DCUN1D1: variants seen among roughly 807,000 people sequenced by gnomAD.
DCUN1D1 encodes the protein DCN1-like protein 1.
DCUN1D1 carries 3 observed loss-of-function variants against 39.0 expected under a neutral mutation model. That is an observed-to-expected ratio of 0.08 (90% CI 0.04 to 0.20). DCUN1D1 has a LOEUF of 0.20. Ranked by LOEUF, DCUN1D1 falls within the 10% of genes least tolerant of loss-of-function variation. The pLI is 1.00. For synonymous variants in DCUN1D1, 82 were observed against 96.3 expected (o/e 0.85, Z 0.87); for missense variants, 158 against 302.4 (o/e 0.52, Z 3.54).
chr3:182,944,834 G>T lies in DCUN1D1; in HGVS notation c.*260C>A. 8.0e-6 allele frequency: 3 copies of T among 374,268 alleles called. No homozygotes were observed. The highest frequency in any genetic ancestry group is 3.9e-5 in the South Asian group (1 of 25,586). The allele number at this position is 374,268 out of a possible 1,614,324, so 23.2% of individuals were successfully genotyped here. On this transcript the variant is annotated 3_prime_UTR_variant, in exon 7 of 7. Coordinates refer to ENST00000292782, the MANE Select transcript of DCUN1D1 (RefSeq NM_020640.4). ...ACTTATGGGAGAATAAACTAGGATG[G>T]TCCACAGATATAAGATGAAATCCAC... is the stretch of plus-strand genomic sequence containing the variant.
Position 182,955,390 on chromosome 3 carries a change from T to C in DCUN1D1, c.520+5836A>G, listed in dbSNP as rs78866255. 7 of 543,998 alleles carry C rather than the reference T, an allele frequency of 1.3e-5. 1 individual carries two copies. The highest frequency in any genetic ancestry group is 3.9e-5 in the Admixed American group (2 of 51,580). 33.7% of individuals were successfully genotyped at this position (543,998 alleles called of 1,614,324 possible). On this transcript the variant is annotated intron_variant, in intron 4 of 6. Transcript: ENST00000292782. ...TTTCCTGGTTCTTTATTGAACAGAATAGCAATGTCTTCTTCTTCCCACATT... is the reference window on the plus strand; with the variant it reads ...TTTCCTGGTTCTTTATTGAACAGAACAGCAATGTCTTCTTCTTCCCACATT...
intron 3 of DCUN1D1, among the ~76,000 whole-genome samples, chr3:182,963,031 C>T (rs1727482489): frequency 1.3e-5 from 2 of 152,122 alleles, no homozygotes; most frequent in African/African-American, 2.4e-5. Flanking sequence ...CCACCCACCT[C>T]GGCCTCCCAA....
At chr3:182,960,402 C>T (rs1324205058) in intron 4 of DCUN1D1, among the ~76,000 whole-genome samples, 2 of 152,212 alleles carry the variant, frequency 1.3e-5, no homozygotes, top group Non-Finnish European at 2.9e-5. Flanking sequence ...AAACCAACAA[C>T]TTCTCTCCTG....
chr3:182,964,231 C>T (rs1321211303), intron 2 of DCUN1D1, among the ~76,000 whole-genome samples, 182 bp from the exon 3 acceptor site: 1 of 152,150 alleles, frequency 6.6e-6, no homozygotes. Flanking sequence ...TAACAGCATT[C>T]TTAAAGTGTA....
At chr3:182,953,895 A>T (rs1336449897) in intron 4 of DCUN1D1, among the ~76,000 whole-genome samples, 2 of 152,230 alleles carry the variant, frequency 1.3e-5, no homozygotes, top group African/African-American at 4.8e-5. Context: ...ATTCTTTCAA[A>T]GAGAATCAAC....
intron 2 of DCUN1D1, 96 bp downstream of exon 2, chr3:182,965,441 C>A: frequency 1.4e-6 from 1 of 714,350 alleles, no homozygotes; most frequent in Non-Finnish European, 2.3e-6. Flanking sequence ...ACACATCCAC[C>A]CAATTTAAGT....
At chr3:182,961,115 G>T in intron 4 of DCUN1D1, 111 bp downstream of exon 4, 2 of 769,756 alleles carry the variant, frequency 2.6e-6, no homozygotes, top group Non-Finnish European at 4.1e-6. Flanking sequence ...TCAATAACTG[G>T]TATTTTCATG....
chr3:182,971,669 C>A (rs1456613387), intron 1 of DCUN1D1, among the ~76,000 whole-genome samples: 1 of 151,988 alleles, frequency 6.6e-6, no homozygotes, highest in Admixed American at 6.5e-5. Context: ...TGAGCTTCTA[C>A]TGTGTGCCAG....
At chr3:182,947,074 C>T (rs1577157465) in intron 6 of DCUN1D1, among the ~76,000 whole-genome samples, 164 bp downstream of exon 6, 1 of 152,120 alleles carries the variant, frequency 6.6e-6, no homozygotes, top group East Asian at 1.9e-4. Context: ...ATGCACCTAC[C>T]CTGGGCAACA....
At chr3:182,978,301 GA>G (rs1041737992) in intron 1 of DCUN1D1, among the ~76,000 whole-genome samples, 53 of 152,120 alleles carry the variant, frequency 3.5e-4, no homozygotes, top group African/African-American at 1.3e-3. Context: ...ATATATGTAA[GA>G]TAACTTTATA....
intron 2 of DCUN1D1, among the ~76,000 whole-genome samples, chr3:182,964,635 CTT>C (rs951243180): frequency 6.5e-5 from 7 of 107,474 alleles, no homozygotes; most frequent in African/African-American, 1.1e-4. Flanking sequence ...TAACACCTTT[CTT>C]TTTTTTTTTT....
chr3:182,982,808 C>A (rs1472771828), upstream of DCUN1D1, among the ~76,000 whole-genome samples: 5 of 152,036 alleles, frequency 3.3e-5, no homozygotes, highest in Non-Finnish European at 5.9e-5. Flanking sequence ...CCATGCCCAG[C>A]TACTTTTTGC....
chr3:182,965,679 T>C lies in DCUN1D1; in HGVS notation c.78A>G (p.Ala26=). The change falls in exon 2 of 7, where the codon GCA becomes GCG. Residue 26 remains alanine, a synonymous_variant. Transcript: ENST00000292782. ...AGTCATTTTGAGAAAGACAACTTAC[T>C]GCTGTTTTTTCACTAGATTGTGTGA... The part of the protein sequence containing the change: ...MIFTQSSEKT[A]VSCLSQNDWK... The C allele has an allele frequency of 6.2e-7, 1 of 1,613,814 alleles. No homozygotes were observed. The highest frequency in any genetic ancestry group is 8.5e-7 in the Non-Finnish European group (1 of 1,179,834).
intron 4 of DCUN1D1, among the ~76,000 whole-genome samples, chr3:182,959,292 A>G (rs981391484): frequency 5.9e-5 from 9 of 152,092 alleles, no homozygotes; most frequent in Non-Finnish European, 1.0e-4. Context: ...TCTTTCATCA[A>G]TTCAGTCATG....
Position 182,965,576 on chromosome 3 carries a change from C to T in DCUN1D1, c.181G>A (p.Asp61Asn). 6.2e-7 allele frequency: 1 copy of T among 1,613,738 alleles called. No homozygotes were observed. Residue 61 changes from aspartate (D) to asparagine (N), a missense_variant, in exon 2 of 7, where the codon GAC becomes AAC. Asp to Asn is a conservative substitution (Grantham distance 23). Around this residue, in one of 4 missense-constraint regions of DCUN1D1, gnomAD observed 107 missense variants for 174.7 expected, o/e 0.61. Coordinates refer to ENST00000292782, the MANE Select transcript of DCUN1D1 (RefSeq NM_020640.4). Reference sequence around the variant, plus strand: ...TACAGCTGTTCTAACTTCTTCCTGTCCAATGATCCTTTTACACTCTCTCGT... The same window carrying T: ...TACAGCTGTTCTAACTTCTTCCTGTTCAATGATCCTTTTACACTCTCTCGT... ...YIRESVKGSL[D>N]RKKLEQLYNR...
At chr3:182,969,578 A>G (rs566046621) in intron 1 of DCUN1D1, among the ~76,000 whole-genome samples, 1 of 152,356 alleles carries the variant, frequency 6.6e-6, no homozygotes, top group African/African-American at 2.4e-5. Context: ...ACTTATTTAA[A>G]GGGAATAAAC....
upstream of DCUN1D1, among the ~76,000 whole-genome samples, chr3:182,984,448 A>G (rs1226421224): frequency 6.6e-6 from 1 of 152,176 alleles, no homozygotes; most frequent in Non-Finnish European, 1.5e-5. Flanking sequence ...TCATGTTTCA[A>G]ATATTTAAGT....
intron 1 of DCUN1D1, among the ~76,000 whole-genome samples, chr3:182,971,644 C>T (rs1727947556): frequency 6.6e-6 from 1 of 151,346 alleles, no homozygotes; most frequent in Non-Finnish European, 1.5e-5. Context: ...TATAATAAAA[C>T]TAGCAACTAA....
chr3:182,964,170 C>T lies in DCUN1D1; in HGVS notation c.221-121G>A, dbSNP rs865834731. 2.0e-5 allele frequency: 14 copies of T among 690,804 alleles called. 1 individual carries two copies. In the Middle Eastern group the frequency reaches 9.3e-4, roughly 46 times the overall value. 42.8% of individuals were successfully genotyped at this position (690,804 alleles called of 1,614,324 possible). Reference sequence around the variant, plus strand: ...ACCACAATATATGGAAGGCATGAAACGATATTACTCTAACATACACTTTCC... The same window carrying T: ...ACCACAATATATGGAAGGCATGAAATGATATTACTCTAACATACACTTTCC... On this transcript the variant is annotated intron_variant, in intron 2 of 6. Transcript: ENST00000292782.
Sources: allele counts gnomAD v4.1 joint callset (sites outside exome capture counted in the v4.1 genomes callset), GRCh38; gene constraint gnomAD v4.1.1; regional missense constraint gnomAD v4.1.1; transcripts MANE v1.5; gene names NCBI Gene and HGNC (gene_info 2026-07-23, HGNC 2026-07-21).